The following INSR variants were observed in gnomAD, a reference collection of about 807,000 sequenced individuals.
INSR encodes the protein IR.
A neutral mutation model predicts 142.6 loss-of-function variants in INSR; 67 were observed. The ratio of observed to expected loss-of-function variants is 0.47; its 90% CI spans 0.39 to 0.58. INSR has a LOEUF of 0.58. INSR is among the 20% of genes least tolerant of loss of function. The pLI is 0.00. For synonymous variants in INSR, 756 were observed against 743.1 expected (o/e 1.02, Z -0.28); for missense variants, 1,248 against 1,833.2 (o/e 0.68, Z 5.83).
chr19:7,275,554 G>C (rs546673458), intron 1 of INSR, among the ~76,000 whole-genome samples: 1 of 151,988 alleles, frequency 6.6e-6, no homozygotes, highest in African/African-American at 2.4e-5. Flanking sequence ...AGGCCAAGGC[G>C]GGTGGATGAC....
At position 7,159,049 on chromosome 19, in the gene INSR, C is replaced by T. The variant is rs1973685432; in HGVS notation, c.2029+3983G>A. Among the ~76,000 whole-genome samples, 1 of 151,998 alleles carries T rather than the reference C, an allele frequency of 6.6e-6. No individual in the cohort carries two copies. Among genetic ancestry groups the T allele is most frequent in the Admixed American group, 6.6e-5 (1 of 15,246 alleles). ...TCCTGAGTAGCTGGGATTACAGGCA[C>T]CCACCACCACACCCAACTAATTTTT... On this transcript the variant is annotated intron_variant, in intron 9 of 21. Transcript: ENST00000302850. The surrounding 1 kb of genome is among the most constrained non-coding windows in gnomAD (Gnocchi z 4.3).
intron 2 of INSR, among the ~76,000 whole-genome samples, chr19:7,237,771 G>A (rs1158522994): frequency 1.3e-5 from 2 of 151,908 alleles, no homozygotes; most frequent in African/African-American, 2.4e-5. Context: ...AGCGAAGATG[G>A]CGCCACTGGA....
intron 2 of INSR, among the ~76,000 whole-genome samples, chr19:7,237,842 TA>T (rs1184773960): frequency 6.6e-6 from 1 of 151,110 alleles, no homozygotes; most frequent in East Asian, 1.9e-4. Context: ...AAAATTAAAT[TA>T]AATTAAATTA....
intron 13 of INSR, among the ~76,000 whole-genome samples, chr19:7,139,253 A>C (rs1973010278): frequency 6.6e-6 from 1 of 152,256 alleles, no homozygotes; most frequent in South Asian, 2.1e-4. Flanking sequence ...GAGAGAAAGA[A>C]TAAATGTCCT....
chr19:7,247,271 T>C (rs1186716293), intron 2 of INSR, among the ~76,000 whole-genome samples: 1 of 152,202 alleles, frequency 6.6e-6, no homozygotes, highest in Non-Finnish European at 1.5e-5. Flanking sequence ...ACACCCATTT[T>C]ACTCCACTTA....
intron 2 of INSR, among the ~76,000 whole-genome samples, chr19:7,242,594 C>T (rs141152627): frequency 0.15 from 23,414 of 151,240 alleles, 2,012 homozygotes; most frequent in Non-Finnish European, 0.19. Context: ...AAAAATTAGC[C>T]AGGTGTGGTG....
At chr19:7,188,561 A>C (rs944365129) in intron 2 of INSR, among the ~76,000 whole-genome samples, 9 of 151,110 alleles carry the variant, frequency 6.0e-5, no homozygotes, top group African/African-American at 1.9e-4. Flanking sequence ...AAAAAAAAAA[A>C]AAACAAGAAT....
chr19:7,120,524 C>T, intron 20 of INSR, 96 bp downstream of exon 20: 2 of 1,469,700 alleles, frequency 1.4e-6, no homozygotes, highest in South Asian at 1.1e-5. Flanking sequence ...GATGGGGCGT[C>T]CAGGAGGATG....
At chr19:7,284,586 A>C (rs11673642) in intron 1 of INSR, among the ~76,000 whole-genome samples, 2 of 152,056 alleles carry the variant, frequency 1.3e-5, no homozygotes, top group Non-Finnish European at 2.9e-5. Context: ...TGGAGTGCAG[A>C]GGCACAATCT....
intron 3 of INSR, among the ~76,000 whole-genome samples, chr19:7,181,973 C>T (rs1322411116): frequency 1.3e-5 from 2 of 152,072 alleles, no homozygotes; most frequent in African/African-American, 4.8e-5. Context: ...AAACATCTGG[C>T]CCTATTTGAT....
intron 11 of INSR, among the ~76,000 whole-genome samples, chr19:7,145,363 C>T (rs8103483): frequency 0.4 from 60,755 of 151,716 alleles, 13,423 homozygotes; most frequent in Non-Finnish European, 0.51. Flanking sequence ...TAAGGTTTTA[C>T]GGCAATTTTG....
chr19:7,184,669 A>C, intron 2 of INSR, 32 bp from the exon 3 acceptor site: 1 of 784,862 alleles, frequency 1.3e-6, no homozygotes, highest in East Asian at 3.6e-5. Flanking sequence ...GAGGGAAATA[A>C]ATAAATAAAT....
At position 7,191,875 on chromosome 19, in the gene INSR, G is replaced by C. The variant is rs553716753; in HGVS notation, c.653-7238C>G. 8.5e-4 allele frequency among the ~76,000 whole-genome samples: 109 copies of C among 127,800 alleles called. 1 individual carries two copies. Among genetic ancestry groups the C allele is most frequent in the Admixed American group, 1.4e-3 (16 of 11,736 alleles). 83.8% of individuals were successfully genotyped at this position (127,800 alleles called of 152,430 possible). On this transcript the variant is annotated intron_variant, in intron 2 of 21. Coordinates refer to ENST00000302850, the MANE Select transcript of INSR (RefSeq NM_000208.4). The stretch of plus-strand genomic sequence containing the variant: ...AGAAAGAGAGAGTGAAAGAAGGAGG[G>C]AAGGAAGGAGGAAGGGAGAGAGAGA...
chr19:7,255,520 T>C (rs1976860533), intron 2 of INSR, among the ~76,000 whole-genome samples: 2 of 150,594 alleles, frequency 1.3e-5, no homozygotes, highest in African/African-American at 4.9e-5. Context: ...TTTTTTTTTT[T>C]CTTGTCTTGT....
At chr19:7,142,721 A>G in intron 12 of INSR, 95 bp downstream of exon 12, 1 of 1,459,584 alleles carries the variant, frequency 6.9e-7, no homozygotes, top group Non-Finnish European at 9.5e-7. Context: ...ATAAGGTAAA[A>G]TACAGATATG....
At chr19:7,201,664 A>ATTTTT (rs1568483469) in intron 2 of INSR, among the ~76,000 whole-genome samples, 1 of 102,118 alleles carries the variant, frequency 9.8e-6, no homozygotes, top group Non-Finnish European at 1.9e-5. Context: ...ATCTATTTTC[A>ATTTTT]TTCTTTTTTT....
At chr19:7,163,948 A>AAAATATATATATATAT (rs1411048837) in intron 8 of INSR, among the ~76,000 whole-genome samples, 1 of 136,032 alleles carries the variant, frequency 7.4e-6, no homozygotes, top group African/African-American at 3.2e-5. Flanking sequence ...AAAAAAAAAA[A>AAAATATATATATATAT]ATTAGCTGGA....
chr19:7,215,096 C>A (rs1439726961), intron 2 of INSR, among the ~76,000 whole-genome samples: 1 of 151,918 alleles, frequency 6.6e-6, no homozygotes, highest in Non-Finnish European at 1.5e-5. Flanking sequence ...GCTGGGGCTA[C>A]AGGCACACGC....
intron 15 of INSR, among the ~76,000 whole-genome samples, chr19:7,128,530 T>A (rs1972699734): frequency 6.6e-6 from 1 of 152,208 alleles, no homozygotes; most frequent in East Asian, 1.9e-4. Flanking sequence ...TACTCCTTAA[T>A]GTAAATTTTG....
Sources: allele counts gnomAD v4.1 joint callset (sites outside exome capture counted in the v4.1 genomes callset), GRCh38; gene constraint gnomAD v4.1.1; non-coding constraint Gnocchi (gnomAD v3.1); transcripts MANE v1.5; gene names NCBI Gene and HGNC (gene_info 2026-07-23, HGNC 2026-07-21).